The following CEP76 variants were observed in gnomAD, a reference collection of about 807,000 sequenced individuals.
CEP76 encodes centrosomal protein of 76 kDa.
Under a neutral mutation model 83.3 loss-of-function variants are expected in CEP76, and 55 were observed. The observed-to-expected ratio is 0.66, with a 90% confidence interval of 0.53 to 0.83. The LOEUF (loss-of-function observed/expected upper bound fraction) is 0.83, where lower values mean the gene tolerates loss of function less well. CEP76 is among the 40% of genes least tolerant of loss of function. CEP76 has a pLI of 0.00. For missense variants in CEP76, 694 were observed against 799.5 expected (o/e 0.87, Z 1.59); for synonymous variants, 270 against 274.5 (o/e 0.98, Z 0.16).
chr18:12,662,553 A>G (rs1168575274), intron 12 of CEP76, among the ~76,000 whole-genome samples: 1 of 152,244 alleles, frequency 6.6e-6, no homozygotes, highest in Non-Finnish European at 1.5e-5. Flanking sequence ...AGGCAGGAGC[A>G]TCATTTGAGC....
At chr18:12,679,444 GCAGGCACT>G (rs1488227124) in intron 9 of CEP76, among the ~76,000 whole-genome samples, 1 of 152,178 alleles carries the variant, frequency 6.6e-6, no homozygotes, top group African/African-American at 2.4e-5. Flanking sequence ...AAGCACACTA[GCAGGCACT>G]CTGGCTTTGT....
chr18:12,674,808 C>A, intron 10 of CEP76, 55 bp from the exon 11 acceptor site: 1 of 1,119,292 alleles, frequency 8.9e-7, no homozygotes, highest in Non-Finnish European at 1.3e-6. Context: ...TTTTTAAAAC[C>A]AACTAAATAA....
Position 12,699,325 on chromosome 18 carries a change from A to G in CEP76, c.296-122T>C, listed in dbSNP as rs568394412. The G allele has an allele frequency of 6.1e-6, 4 of 654,132 alleles. No individual in the cohort carries two copies. In the Admixed American group the frequency reaches 1.2e-4, roughly 20 times the overall value. The allele number at this position is 654,132 out of a possible 1,614,324, so 40.5% of individuals were successfully genotyped here. ...AATACCAAAGACTAAAAAAAAAGCAAAAGAGTAACAAATTTATTACTGTAT... is the reference window on the plus strand; with the variant it reads ...AATACCAAAGACTAAAAAAAAAGCAGAAGAGTAACAAATTTATTACTGTAT... On this transcript the variant is annotated intron_variant, in intron 3 of 11. Transcript: ENST00000262127.
At chr18:12,701,596 C>A (rs1195981840) in intron 1 of CEP76, among the ~76,000 whole-genome samples, 1 of 152,132 alleles carries the variant, frequency 6.6e-6, no homozygotes, top group Non-Finnish European at 1.5e-5. Flanking sequence ...ATTAAAGATA[C>A]TAGACAGCAC....
intron 6 of CEP76, 50 bp downstream of exon 6, chr18:12,695,204 A>G (rs759644871): frequency 4.0e-6 from 3 of 753,208 alleles, no homozygotes; most frequent in Non-Finnish European, 6.3e-6. Flanking sequence ...AGGTAAATAT[A>G]CTACTATGAA....
At chr18:12,702,440 G>A (rs377033494) in intron 1 of CEP76, 46 bp downstream of exon 1, 40 of 1,461,884 alleles carry the variant, frequency 2.7e-5, no homozygotes, top group Non-Finnish European at 3.6e-5. Flanking sequence ...GGAGGGAAAG[G>A]TTATGGGTCG....
At chr18:12,688,175 G>A (rs2039613925) in intron 7 of CEP76, among the ~76,000 whole-genome samples, 1 of 146,636 alleles carries the variant, frequency 6.8e-6, no homozygotes, top group Non-Finnish European at 1.5e-5. Flanking sequence ...AGCTTGCAGT[G>A]AGCCGAGATC....
chr18:12,698,053 A>G (rs916839094), intron 4 of CEP76, among the ~76,000 whole-genome samples: 9 of 152,102 alleles, frequency 5.9e-5, no homozygotes, highest in Admixed American at 4.6e-4. Flanking sequence ...ATCAAGTAGC[A>G]TAAAATTTAG....
At chr18:12,669,952 G>GCGGTGAGCCGAGATTT (rs2038900953), downstream of CEP76, among the ~76,000 whole-genome samples, 1 of 150,926 alleles carries the variant, frequency 6.6e-6, no homozygotes, top group Admixed American at 6.6e-5. Context: ...AGCCGAGATT[G>GCGGTGAGCCGAGATTT]CACCATTGCA....
chr18:12,697,195 G>T (rs756934583), intron 5 of CEP76, 28 bp downstream of exon 5: 1 of 1,452,804 alleles, frequency 6.9e-7, no homozygotes, highest in South Asian at 1.3e-5. Context: ...CTATAAAAAG[G>T]TTAACAATGA....
At chr18:12,670,362 A>G (rs899963485), downstream of CEP76, 4 of 152,200 alleles carry the variant, frequency 2.6e-5, no homozygotes, top group African/African-American at 9.7e-5. Flanking sequence ...GCAGACTTCT[A>G]GTGGTAAATG....
chr18:12,684,972 T>G (rs1318301833), intron 8 of CEP76: 1 of 152,138 alleles, frequency 6.6e-6, no homozygotes, highest in African/African-American at 2.4e-5. Flanking sequence ...TTTTTCTATT[T>G]TAATATTTTT....
chr18:12,688,774 G>A (rs2039637779), intron 7 of CEP76, among the ~76,000 whole-genome samples: 1 of 152,090 alleles, frequency 6.6e-6, no homozygotes, highest in African/African-American at 2.4e-5. Flanking sequence ...TACATGGCTG[G>A]TGGCTACCAT....
chr18:12,674,584 A>G lies in CEP76; in HGVS notation c.1793T>C (p.Ile598Thr). Residue 598 changes from isoleucine (I) to threonine (T), a missense_variant, in exon 11 of 12, where the codon ATA becomes ACA. Ile to Thr is a moderately conservative substitution (Grantham distance 89). Transcript: ENST00000262127. ...PDGHTFKGFP[I>T]HFVYRNARRA... ...TCTTGCATTTCTATACACAAAATGT[A>G]TTGGGAACCCTTTAAATGTGTGACC... 1 of 1,614,132 alleles carries G rather than the reference A, an allele frequency of 6.2e-7. No homozygotes were observed. Among genetic ancestry groups the G allele is most frequent in the Non-Finnish European group, 8.5e-7 (1 of 1,180,006 alleles).
At position 12,699,001 on chromosome 18, in the gene CEP76, A is replaced by T; in HGVS notation, c.498T>A (p.Leu166=). ...TACCCAAGCTTTCTCTGTGTACTTCAAGTAAAAAGCCATCATGAAAATCTG... is the reference window on the plus strand; with the variant it reads ...TACCCAAGCTTTCTCTGTGTACTTCTAGTAAAAAGCCATCATGAAAATCTG... ...CEPDFHDGFL[L]EVHRESLGDG... Residue 166 remains leucine, a synonymous_variant, in exon 4 of 12, where the codon CTT becomes CTA. Coordinates refer to ENST00000262127, the MANE Select transcript of CEP76 (RefSeq NM_024899.4). The T allele has an allele frequency of 6.2e-7, 1 of 1,612,902 alleles. No individual in the cohort carries two copies. Among genetic ancestry groups the T allele is most frequent in the Non-Finnish European group, 8.5e-7 (1 of 1,179,092 alleles).
At chr18:12,687,809 G>A (rs1214009153) in intron 7 of CEP76, among the ~76,000 whole-genome samples, 1 of 152,002 alleles carries the variant, frequency 6.6e-6, no homozygotes, top group African/African-American at 2.4e-5. Flanking sequence ...GGGGGATGTA[G>A]AGAACTATGG....
intron 7 of CEP76, 167 bp downstream of exon 7, chr18:12,691,192 C>G (rs1053138695): frequency 4.4e-6 from 2 of 449,810 alleles, no homozygotes; most frequent in Non-Finnish European, 7.6e-6. Flanking sequence ...ATTGATCTTG[C>G]CACTCACTAT....
chr18:12,690,946 C>T (rs570123215), intron 7 of CEP76, among the ~76,000 whole-genome samples: 2 of 151,434 alleles, frequency 1.3e-5, no homozygotes, highest in Non-Finnish European at 2.9e-5. Flanking sequence ...AGAGCCCCCC[C>T]CCGTTCTGCA....
At chr18:12,700,362 G>T (rs2040110043) in intron 2 of CEP76, 1 of 152,582 alleles carries the variant, frequency 6.6e-6, no homozygotes, top group African/African-American at 2.4e-5. Flanking sequence ...ATTCCCTATT[G>T]TATTATGAAG....
Sources: gnomAD v4.1 joint callset for allele counts (sites outside exome capture counted in the v4.1 genomes callset) on GRCh38, gnomAD v4.1.1 for gene constraint, MANE v1.5 for transcripts, NCBI Gene and HGNC (gene_info 2026-07-23, HGNC 2026-07-21) for gene names.